Variants in CAD observed in about 807,000 individuals in gnomAD.
CAD encodes multifunctional protein CAD.
A neutral mutation model predicts 237.2 loss-of-function variants in CAD; 81 were observed. That is an observed-to-expected ratio of 0.34 (90% confidence interval 0.29 to 0.41). The LOEUF is 0.41. CAD is among the 10% of genes least tolerant of loss of function. The pLI is 1.00. For missense variants in CAD, 2,181 were observed against 2,951.7 expected (o/e 0.74, Z 6.05); for synonymous variants, 1,196 against 1,162.8 (o/e 1.03, Z -0.58).
chr2:27,236,695 C>G lies in CAD; in HGVS notation c.4315-54C>G, dbSNP rs1364580591. ...GGTTTATGGGAAAACCACATCTCTCCCTACAACTCCCAGGATCACCCTTCC... is the reference window on the plus strand; with the variant it reads ...GGTTTATGGGAAAACCACATCTCTCGCTACAACTCCCAGGATCACCCTTCC... On this transcript the variant is annotated intron_variant, in intron 26 of 43. Transcript: ENST00000264705. This position sits in a 1 kb window ranked among gnomAD's most constrained non-coding sequence, Gnocchi z 4.1. 2 of 1,582,628 alleles carry G rather than the reference C, an allele frequency of 1.3e-6. No homozygotes were observed. The highest frequency in any genetic ancestry group is 1.3e-5 in the African/African-American group (1 of 74,246).
intron 15 of CAD, among the ~76,000 whole-genome samples, chr2:27,231,037 G>T (rs189362083): frequency 6.6e-6 from 1 of 152,182 alleles, no homozygotes; most frequent in Non-Finnish European, 1.5e-5. Flanking sequence ...ACGGAGTCTC[G>T]CTTTGTTCCC....
intron 4 of CAD, 27 bp downstream of exon 4, chr2:27,222,363 G>A (rs758061488): frequency 1.3e-6 from 2 of 1,598,010 alleles, no homozygotes; most frequent in Non-Finnish European, 1.7e-6. Context: ...GGAGAGTGTT[G>A]CAAGCTCTAG....
At position 27,235,487 on chromosome 2, in the gene CAD, G is replaced by C; in HGVS notation, c.3970-49G>C. 1 of 1,612,416 alleles carries C rather than the reference G, an allele frequency of 6.2e-7. No individual in the cohort carries two copies. Among genetic ancestry groups the C allele is most frequent in the South Asian group, 1.1e-5 (1 of 90,958 alleles). On this transcript the variant is annotated intron_variant, in intron 24 of 43. Transcript: ENST00000264705. The surrounding 1 kb of genome is among the most constrained non-coding windows in gnomAD (Gnocchi z 5.2). ...GGCTCCCTGGGCCAGGGCTGACCTTGAAATGGAAGACAGGAAGAAAACAAT... is the reference window on the plus strand; with the variant it reads ...GGCTCCCTGGGCCAGGGCTGACCTTCAAATGGAAGACAGGAAGAAAACAAT...
At chr2:27,220,031 T>A (rs1675079004) in intron 2 of CAD, among the ~76,000 whole-genome samples, 2 of 152,206 alleles carry the variant, frequency 1.3e-5, no homozygotes, top group Non-Finnish European at 2.9e-5. Flanking sequence ...AATTAATATT[T>A]ATATGGGTGT....
At position 27,239,612 on chromosome 2, in the gene CAD, G is replaced by T; in HGVS notation, c.5395-85G>T. On this transcript the variant is annotated intron_variant, in intron 33 of 43. Coordinates refer to ENST00000264705, the MANE Select transcript of CAD (RefSeq NM_004341.5). This position sits in a 1 kb window ranked among gnomAD's most constrained non-coding sequence, Gnocchi z 4.0. ...GGGTTGGGGGCACAGCTCCCCCAAG[G>T]TGCTTTTTGTCCTTGCTGACATCTA... is the stretch of plus-strand genomic sequence containing the variant. The T allele has an allele frequency of 6.8e-7, 1 of 1,479,132 alleles. No individual in the cohort carries two copies. Among genetic ancestry groups the T allele is most frequent in the Non-Finnish European group, 9.3e-7 (1 of 1,077,138 alleles). 91.6% of individuals were successfully genotyped at this position (1,479,132 alleles called of 1,614,324 possible). A position where few individuals can be genotyped will look rare whatever the true frequency, so the allele number is the denominator to read the frequency against.
chr2:27,243,005 C>T (rs1227174408), intron 42 of CAD, 32 bp downstream of exon 42: 1 of 1,541,674 alleles, frequency 6.5e-7, no homozygotes, highest in Middle Eastern at 1.7e-4. Flanking sequence ...GAAGCCAGGG[C>T]TGCTGCCGTA....
chr2:27,234,259 A>C, intron 22 of CAD, 33 bp downstream of exon 22: 1 of 1,574,428 alleles, frequency 6.4e-7, no homozygotes, highest in Non-Finnish European at 8.7e-7. Flanking sequence ...CTAAAGGGCC[A>C]CAGCTCTTGC....
chr2:27,219,142 A>G (rs1354246190), intron 2 of CAD, among the ~76,000 whole-genome samples: 1 of 152,206 alleles, frequency 6.6e-6, no homozygotes, highest in Non-Finnish European at 1.5e-5. Flanking sequence ...AGCCACTCGC[A>G]CATATAAATG....
rs1312832329 is a variant in CAD, at chr2:27,236,925, T to G, written c.4396+95T>G. On this transcript the variant is annotated intron_variant, in intron 27 of 43. Coordinates refer to ENST00000264705, the MANE Select transcript of CAD (RefSeq NM_004341.5). This position sits in a 1 kb window ranked among gnomAD's most constrained non-coding sequence, Gnocchi z 4.1. ...AAGGATGGCTGGGGGGCCCACTCTT[T>G]GTCCTGGACTGCACAGACTGTGAAG... The G allele has an allele frequency of 1.0e-6, 1 of 969,042 alleles. No homozygotes were observed. The highest frequency in any genetic ancestry group is 1.6e-5 in the African/African-American group (1 of 62,602). 60.0% of individuals were successfully genotyped at this position (969,042 alleles called of 1,614,324 possible). A position where few individuals can be genotyped will look rare whatever the true frequency, so the allele number is the denominator to read the frequency against.
chr2:27,232,290 A>C lies in CAD; in HGVS notation c.2645+66A>C, dbSNP rs1024528759. 1 of 1,597,726 alleles carries C rather than the reference A, an allele frequency of 6.3e-7. No individual in the cohort carries two copies. The highest frequency in any genetic ancestry group is 1.3e-5 in the African/African-American group (1 of 74,792). ...GGCAGAACCTTTGTATCAGTGAGGGACCCTTGGGAGGGAGGAAGGAGAGTG... is the reference window on the plus strand; with the variant it reads ...GGCAGAACCTTTGTATCAGTGAGGGCCCCTTGGGAGGGAGGAAGGAGAGTG... On this transcript the variant is annotated intron_variant, in intron 17 of 43. Coordinates refer to ENST00000264705, the MANE Select transcript of CAD (RefSeq NM_004341.5). The surrounding 1 kb of genome is among the most constrained non-coding windows in gnomAD (Gnocchi z 4.1).
Position 27,242,146 on chromosome 2 carries a change from G to A in CAD, c.6096+23G>A, listed in dbSNP as rs1336332692. ...GAGGTGAGGCCAGCCTGGGTACTGA[G>A]ATGGGGTTAAGAAGGCTGGACCCAG... On this transcript the variant is annotated intron_variant, in intron 39 of 43. Transcript: ENST00000264705. This position sits in a 1 kb window ranked among gnomAD's most constrained non-coding sequence, Gnocchi z 6.4. The A allele has an allele frequency of 6.2e-7, 1 of 1,610,344 alleles. No homozygotes were observed. Among genetic ancestry groups the A allele is most frequent in the Non-Finnish European group, 8.5e-7 (1 of 1,178,616 alleles).
chr2:27,233,545 G>T lies in CAD; in HGVS notation c.3216+9G>T. On this transcript the variant is annotated intron_variant, in intron 20 of 43. Transcript: ENST00000264705. The surrounding 1 kb of genome is among the most constrained non-coding windows in gnomAD (Gnocchi z 6.3). ...AGCTCAGTGACCTCGAGGTGGGCTG[G>T]GACCTGGTGGGTTACCCGGAGGCTG... 1.2e-6 allele frequency: 2 copies of T among 1,613,968 alleles called. No homozygotes were observed. The highest frequency in any genetic ancestry group is 1.7e-6 in the Non-Finnish European group (2 of 1,179,848).
chr2:27,222,156 G>A, intron 3 of CAD, 38 bp from the exon 4 acceptor site: 2 of 1,588,976 alleles, frequency 1.3e-6, no homozygotes, highest in Non-Finnish European at 1.7e-6. Context: ...TGACTGAGTT[G>A]TAGGAATGTG....
Position 27,228,345 on chromosome 2 carries a change from C to G in CAD, c.2287+1383C>G, listed in dbSNP as rs1367374532. The stretch of plus-strand genomic sequence containing the variant: ...AAGCACAGACTTCTATAAAGTTATT[C>G]GTACTCATCAAGGGCTATAAAATTT... On this transcript the variant is annotated intron_variant, in intron 15 of 43. Transcript: ENST00000264705. Among the ~76,000 whole-genome samples, 4 of 152,176 alleles carry G rather than the reference C, an allele frequency of 2.6e-5. No homozygotes were observed. In the East Asian group the frequency reaches 7.7e-4, roughly 29 times the overall value.
Position 27,239,740 on chromosome 2 carries a change from C to G in CAD, c.5438C>G (p.Pro1813Arg). 6.3e-7 allele frequency: 1 copy of G among 1,592,646 alleles called. No individual in the cohort carries two copies. Among genetic ancestry groups the G allele is most frequent in the Non-Finnish European group, 8.6e-7 (1 of 1,169,202 alleles). Reference sequence around the variant, plus strand: ...TATGGACAGGATGTACGGAAGTGGCCACAGGGGGCTGTTCCTCAGCTCCCA... The same window carrying G: ...TATGGACAGGATGTACGGAAGTGGCGACAGGGGGCTGTTCCTCAGCTCCCA... ...PGYGQDVRKW[P>R]QGAVPQLPPS... Residue 1813 changes from proline to arginine, a missense_variant, in exon 34 of 44, where the codon CCA (proline) becomes CGA (arginine). Transcript: ENST00000264705. The surrounding 1 kb of genome is among the most constrained non-coding windows in gnomAD (Gnocchi z 4.0).
In CAD at chr2:27,224,937, G is replaced by A. The variant is rs568984892; in HGVS notation, c.1386+61G>A. 5 of 1,611,036 alleles carry A rather than the reference G, an allele frequency of 3.1e-6. No homozygotes were observed. The South Asian group carries it at 3.3e-5, about 11-fold the overall frequency. ...TGGGCAGGGGGGCCCAGTGGTCACT[G>A]TGGGTTATTAAACTTTGATTGCCTC... On this transcript the variant is annotated intron_variant, in intron 10 of 43. Transcript: ENST00000264705.
At position 27,221,753 on chromosome 2, in the gene CAD, ATTTTTTT is replaced by A. The variant is rs57429918; in HGVS notation, c.353-420_353-414del. ...TCCAGGCAATGTTTAAAATTTCCCA[ATTTTTTT>A]TTTTTTTTTTTTTTTTTTTTCTGTT... On this transcript the variant is annotated intron_variant, in intron 3 of 43. Coordinates refer to ENST00000264705, the MANE Select transcript of CAD (RefSeq NM_004341.5). 7.7e-3 allele frequency among the ~76,000 whole-genome samples: 800 copies of A among 103,504 alleles called. 8 individuals carry two copies. The highest frequency in any genetic ancestry group is 9.6e-3 in the Non-Finnish European group (524 of 54,852). 67.9% of individuals were successfully genotyped at this position (103,504 alleles called of 152,430 possible).
In CAD at chr2:27,233,151, T is replaced by C. The variant is rs1408735605; in HGVS notation, c.2991+11T>C. On this transcript the variant is annotated intron_variant, in intron 19 of 43. Transcript: ENST00000264705. The surrounding 1 kb of genome is among the most constrained non-coding windows in gnomAD (Gnocchi z 6.3). ...GAGATCTCTTTTGAGGTGAGGGAGATGGAGGCTTCCTGGTAGCTTGAGTGG... is the reference window on the plus strand; with the variant it reads ...GAGATCTCTTTTGAGGTGAGGGAGACGGAGGCTTCCTGGTAGCTTGAGTGG... 1.2e-5 allele frequency: 19 copies of C among 1,580,900 alleles called. No homozygotes were observed. Among genetic ancestry groups the C allele is most frequent in the Non-Finnish European group, 1.4e-5 (16 of 1,149,728 alleles).
At chr2:27,219,189 T>A (rs997932553) in intron 2 of CAD, among the ~76,000 whole-genome samples, 2 of 152,236 alleles carry the variant, frequency 1.3e-5, no homozygotes, top group Non-Finnish European at 2.9e-5. Flanking sequence ...TCTGCCAAAC[T>A]ATCCTTCAGA....
Sources: allele counts gnomAD v4.1 joint callset (sites outside exome capture counted in the v4.1 genomes callset), GRCh38; gene constraint gnomAD v4.1.1; non-coding constraint Gnocchi (gnomAD v3.1); transcripts MANE v1.5; gene names NCBI Gene and HGNC (gene_info 2026-07-23, HGNC 2026-07-21).